Variants in AQR observed in about 807,000 individuals in gnomAD.
AQR encodes the protein aquarius intron-binding spliceosomal factor.
In AQR, 61 loss-of-function variants were observed where a neutral mutation model predicts 180.5. The ratio of observed to expected loss-of-function variants is 0.34; its 90% CI spans 0.28 to 0.42. The LOEUF (loss-of-function observed/expected upper bound fraction) is 0.42. Among genes scored for constraint, AQR ranks in the 10% least tolerant of loss-of-function variants. AQR has a pLI of 1.00. For missense variants in AQR, 1,281 were observed against 1,798.3 expected (o/e 0.71, Z 5.20); for synonymous variants, 551 against 588.8 (o/e 0.94, Z 0.93).
intron 1 of AQR, 83 bp from the exon 2 acceptor site, chr15:34,964,373 T>C: frequency 8.5e-7 from 1 of 1,176,214 alleles, no homozygotes; most frequent in South Asian, 1.3e-5. Flanking sequence ...TGATAAGCGG[T>C]TTCTTAACAA....
chr15:34,932,312 AT>A lies in AQR; in HGVS notation c.900+5del. On this transcript the variant is annotated splice_donor_5th_base_variant and intron_variant, in intron 11 of 34. Coordinates refer to ENST00000156471, the MANE Select transcript of AQR (RefSeq NM_014691.3). The stretch of plus-strand genomic sequence containing the variant: ...AATAAATACGTTCAGATACATCAAT[AT>A]TCACCTGGGAAAAAAGATGGCCATC... 6.3e-7 allele frequency: 1 copy of A among 1,590,854 alleles called. No homozygotes were observed. Among genetic ancestry groups the A allele is most frequent in the Non-Finnish European group, 8.6e-7 (1 of 1,158,880 alleles).
chr15:34,943,017 T>C (rs1010761020), intron 6 of AQR: 2 of 1,508,078 alleles, frequency 1.3e-6, no homozygotes, highest in African/African-American at 1.4e-5. Context: ...TATATTTCTA[T>C]TTGTTCTGTT....
At chr15:34,948,211 T>C (rs1458776222) in intron 5 of AQR, 53 bp downstream of exon 5, 1 of 1,579,098 alleles carries the variant, frequency 6.3e-7, no homozygotes, top group Non-Finnish European at 8.6e-7. Flanking sequence ...TGCCACTTTG[T>C]AATGGCTTAT....
chr15:34,862,917 G>C lies in AQR; in HGVS notation c.3979C>G (p.Pro1327Ala). Residue 1327 changes from proline to alanine, a missense_variant, in exon 33 of 35, where the codon CCC becomes GCC. Coordinates refer to ENST00000156471, the MANE Select transcript of AQR (RefSeq NM_014691.3). Reference sequence around the variant, plus strand: ...GTTGGAATTATATGCAAATGAAGGGGGCGAGCTGTGAGCTGACTGAAAGCT... The same window carrying C: ...GTTGGAATTATATGCAAATGAAGGGCGCGAGCTGTGAGCTGACTGAAAGCT... ...TPAFSQLTAR[P>A]LHLHIIPTEP... is the part of the protein sequence containing the mutation. 6.2e-7 allele frequency: 1 copy of C among 1,613,844 alleles called. No homozygotes were observed. Among genetic ancestry groups the C allele is most frequent in the Non-Finnish European group, 8.5e-7 (1 of 1,179,862 alleles).
At chr15:34,888,355 C>T (rs1893093422) in intron 24 of AQR, among the ~76,000 whole-genome samples, 1 of 151,602 alleles carries the variant, frequency 6.6e-6, no homozygotes, top group African/African-American at 2.4e-5. Context: ...ACTCTACTAT[C>T]TGCTCAATTA....
Position 34,969,526 on chromosome 15 carries a change from C to G in AQR, c.75+13G>C. Reference sequence around the variant, plus strand: ...CATACCCACTCACACACACCAGACTCGCCCGAGCTCACCTGGGTCACGAAC... The same window carrying G: ...CATACCCACTCACACACACCAGACTGGCCCGAGCTCACCTGGGTCACGAAC... On this transcript the variant is annotated intron_variant, in intron 1 of 34. Transcript: ENST00000156471. The G allele has an allele frequency of 1.2e-6, 2 of 1,613,430 alleles. No individual in the cohort carries two copies. Among genetic ancestry groups the G allele is most frequent in the Non-Finnish European group, 1.7e-6 (2 of 1,179,952 alleles).
At chr15:34,889,135 G>A (rs1007477216) in intron 24 of AQR, among the ~76,000 whole-genome samples, 5 of 152,052 alleles carry the variant, frequency 3.3e-5, no homozygotes, top group African/African-American at 1.2e-4. Flanking sequence ...TTAGATTTTA[G>A]AGTCTAACCT....
intron 15 of AQR, 30 bp from the exon 16 acceptor site, chr15:34,915,209 ATT>A (rs370486508): frequency 1.5e-3 from 1,877 of 1,281,028 alleles, no homozygotes; most frequent in South Asian, 3.2e-3. Context: ...CCATATTTCA[ATT>A]TTTTTTTTTT....
intron 13 of AQR, among the ~76,000 whole-genome samples, chr15:34,926,826 T>C (rs1467869102): frequency 1.3e-5 from 2 of 152,092 alleles, no homozygotes; most frequent in Non-Finnish European, 1.5e-5. Context: ...ATTGTATACG[T>C]CATAAAAAAC....
chr15:34,897,502 C>T (rs1893265002), intron 21 of AQR, 57 bp downstream of exon 21: 4 of 1,581,928 alleles, frequency 2.5e-6, no homozygotes, highest in Non-Finnish European at 3.5e-6. Flanking sequence ...ATTCCTAATC[C>T]AGTTGAAATG....
chr15:34,958,106 G>T (rs1894352795), intron 3 of AQR, among the ~76,000 whole-genome samples: 1 of 152,176 alleles, frequency 6.6e-6, no homozygotes, highest in Non-Finnish European at 1.5e-5. Flanking sequence ...TACTAGGGAG[G>T]CTGAGGCAGG....
rs559240952 is a variant in AQR at position 34,905,750 on chromosome 15, T to A, written c.1831+795A>T. Among the ~76,000 whole-genome samples, 26 of 59,448 alleles carry A rather than the reference T, an allele frequency of 4.4e-4. 1 individual carries two copies. The South Asian group carries it at 8.7e-3, about 20-fold the overall frequency. The allele number at this position is 59,448 out of a possible 152,430, so 39.0% of individuals were successfully genotyped here. A position where few individuals can be genotyped will look rare whatever the true frequency, so the allele number is the denominator to read the frequency against. ...ACAACTGTAAGAGATATTTAGAGTGTTTCTTAAAAAAAATATGGTAAAGTA... is the reference window on the plus strand; with the variant it reads ...ACAACTGTAAGAGATATTTAGAGTGATTCTTAAAAAAAATATGGTAAAGTA... On this transcript the variant is annotated intron_variant, in intron 18 of 34. Transcript: ENST00000156471.
Position 34,855,611 on chromosome 15 carries a change from T to A in AQR, c.*1181A>T, listed in dbSNP as rs1222791930. 1 of 151,436 alleles carries A rather than the reference T, an allele frequency of 6.6e-6. No individual in the cohort carries two copies. The highest frequency in any genetic ancestry group is 1.9e-4 in the East Asian group (1 of 5,146). 9.4% of individuals were successfully genotyped at this position (151,436 alleles called of 1,614,324 possible). On this transcript the variant is annotated 3_prime_UTR_variant, in exon 35 of 35. Coordinates refer to ENST00000156471, the MANE Select transcript of AQR (RefSeq NM_014691.3). ...GAGGTCCCTTGTCAGAAAACATTAG[T>A]CACATTCACTGGTAATTCTACATTA...
intron 4 of AQR, among the ~76,000 whole-genome samples, chr15:34,952,654 C>T (rs1337843040): frequency 6.6e-6 from 1 of 152,248 alleles, no homozygotes; most frequent in Non-Finnish European, 1.5e-5. Flanking sequence ...TTATTCACCA[C>T]ATGCTAGCTT....
intron 27 of AQR, among the ~76,000 whole-genome samples, chr15:34,877,207 T>C (rs149152242): frequency 1.2e-3 from 184 of 152,370 alleles, no homozygotes; most frequent in Middle Eastern, 3.4e-3. Flanking sequence ...ATTATCAATA[T>C]GTTTTATCTT....
chr15:34,943,290 T>A, intron 6 of AQR: 1 of 1,569,116 alleles, frequency 6.4e-7, no homozygotes, highest in Non-Finnish European at 8.7e-7. Context: ...AAGGCTTGAG[T>A]GCATTGAGCC....
At chr15:34,965,754 T>G (rs903703730) in intron 1 of AQR, among the ~76,000 whole-genome samples, 2 of 152,188 alleles carry the variant, frequency 1.3e-5, no homozygotes, top group East Asian at 3.8e-4. Context: ...CCCCCAGTTA[T>G]TCTGTGGTGT....
At chr15:34,948,074 A>T in intron 5 of AQR, 190 bp downstream of exon 5, 1 of 531,254 alleles carries the variant, frequency 1.9e-6, no homozygotes, top group Non-Finnish European at 3.1e-6. Context: ...GTAAATTATT[A>T]AATCGTTTGA....
At chr15:34,871,016 C>A in intron 30 of AQR, 94 bp from the exon 31 acceptor site, 1 of 1,212,136 alleles carries the variant, frequency 8.2e-7, no homozygotes, top group East Asian at 2.4e-5. Flanking sequence ...AACTTGTTCA[C>A]TTTGCACACT....
Sources: allele counts gnomAD v4.1 joint callset (sites outside exome capture counted in the v4.1 genomes callset), GRCh38; gene constraint gnomAD v4.1.1; transcripts MANE v1.5; gene names NCBI Gene and HGNC (gene_info 2026-07-23, HGNC 2026-07-21).